EYA3: variants seen among roughly 807,000 people sequenced by gnomAD.
EYA3 encodes the protein protein phosphatase EYA3.
In EYA3, 39 loss-of-function variants were observed where a neutral mutation model predicts 80.0. The ratio of observed to expected loss-of-function variants is 0.49; its 90% CI spans 0.38 to 0.64. The LOEUF (loss-of-function observed/expected upper bound fraction) is 0.64, where lower values mean the gene tolerates loss of function less well. Ranked by LOEUF, EYA3 falls within the 30% of genes least tolerant of loss-of-function variation. The pLI is 0.00. For missense variants in EYA3, 523 were observed against 676.1 expected (o/e 0.77, Z 2.51); for synonymous variants, 206 against 232.8 (o/e 0.88, Z 1.05).
At position 28,009,973 on chromosome 1, in the gene EYA3, TA is replaced by T. The variant is rs1641576809; in HGVS notation, c.909+973del. Among the ~76,000 whole-genome samples the T allele has an allele frequency of 6.6e-6, 1 of 152,302 alleles. No homozygotes were observed. The highest frequency in any genetic ancestry group is 6.5e-5 in the Admixed American group (1 of 15,298). On this transcript the variant is annotated intron_variant, in intron 10 of 17. Coordinates refer to ENST00000373871, the MANE Select transcript of EYA3 (RefSeq NM_001990.4). This position sits in a 1 kb window ranked among gnomAD's most constrained non-coding sequence, Gnocchi z 4.8. Reference sequence around the variant, plus strand: ...AAATTTTATGTATATTTTAGACAATTAAAAAATGAGTTATCAGTTTTTCCTA... The same window carrying T: ...AAATTTTATGTATATTTTAGACAATTAAAAATGAGTTATCAGTTTTTCCTA...
At position 28,017,163 on chromosome 1, in the gene EYA3, G is replaced by A. The variant is rs1642124874; in HGVS notation, c.576C>T (p.Ile192=). ...AAAGGTAGCATCATACCTGGTTTGAGATGCTGGCTACTGCTGCTGCTGGAA... is the reference window on the plus strand; with the variant it reads ...AAAGGTAGCATCATACCTGGTTTGAAATGCTGGCTACTGCTGCTGCTGGAA... ...ANIPAAAVAS[I]SNQDYPTYTI... The change falls in exon 8 of 18, where the codon ATC becomes ATT. Residue 192 remains isoleucine (I), a synonymous_variant. Coordinates refer to ENST00000373871, the MANE Select transcript of EYA3 (RefSeq NM_001990.4). 6.2e-7 allele frequency: 1 copy of A among 1,613,350 alleles called. No homozygotes were observed. Among genetic ancestry groups the A allele is most frequent in the African/African-American group, 1.3e-5 (1 of 74,928 alleles).
chr1:27,983,031 C>T (rs1422743197), intron 16 of EYA3, among the ~76,000 whole-genome samples: 1 of 152,116 alleles, frequency 6.6e-6, no homozygotes, highest in Non-Finnish European at 1.5e-5. Context: ...CAAAAAAATC[C>T]TTGTACATGT....
At chr1:28,050,493 C>T (rs1003728773) in intron 2 of EYA3, among the ~76,000 whole-genome samples, 5 of 152,056 alleles carry the variant, frequency 3.3e-5, no homozygotes, top group Non-Finnish European at 7.4e-5. Context: ...TGAGCCACTG[C>T]GCCTGGCCAA....
chr1:28,020,381 GC>G (rs1382270628), intron 7 of EYA3, among the ~76,000 whole-genome samples: 1 of 152,050 alleles, frequency 6.6e-6, no homozygotes, highest in African/African-American at 2.4e-5. Context: ...TCTAACATGT[GC>G]CACTCATTCA....
chr1:28,083,498 C>T (rs1020650443), intron 1 of EYA3, among the ~76,000 whole-genome samples: 14 of 151,258 alleles, frequency 9.3e-5, no homozygotes, highest in South Asian at 4.2e-4. Context: ...CTAGCCTGGG[C>T]GACAGGGCAA....
intron 17 of EYA3, chr1:27,977,468 TAATTGTTCA>T: frequency 1.5e-6 from 2 of 1,371,432 alleles, no homozygotes; most frequent in Non-Finnish European, 2.0e-6. Context: ...TCAAAGAGGA[TAATTGTTCA>T]AATTCACATA....
chr1:28,081,099 A>G (rs1467408192), intron 1 of EYA3, among the ~76,000 whole-genome samples: 2 of 152,158 alleles, frequency 1.3e-5, no homozygotes, highest in Non-Finnish European at 2.9e-5. Flanking sequence ...AAGCCTCTGA[A>G]AGAGAACAAA....
chr1:28,058,097 G>A lies in EYA3; in HGVS notation c.-68-3C>T. On this transcript the variant is annotated splice_polypyrimidine_tract_variant and splice_region_variant and intron_variant, in intron 1 of 17. Transcript: ENST00000373871. ...TCTCTCTCAGCAGTTTTCACAATCT[G>A]TTTTTAAAAAGGAGGATTCAAAGCT... 1.5e-6 allele frequency: 2 copies of A among 1,311,312 alleles called. No individual in the cohort carries two copies. The highest frequency in any genetic ancestry group is 2.1e-6 in the Non-Finnish European group (2 of 948,762). 81.2% of individuals were successfully genotyped at this position (1,311,312 alleles called of 1,614,324 possible).
At chr1:27,996,074 T>A (rs2148744066) in intron 13 of EYA3, among the ~76,000 whole-genome samples, 1 of 152,322 alleles carries the variant, frequency 6.6e-6, no homozygotes, top group South Asian at 2.1e-4. Flanking sequence ...GGTTTCGCCA[T>A]GTTAGCCAGG....
In EYA3 at chr1:28,011,679, G is replaced by A. The variant is rs572254826; in HGVS notation, c.770-593C>T. On this transcript the variant is annotated intron_variant, in intron 9 of 17. Coordinates refer to ENST00000373871, the MANE Select transcript of EYA3 (RefSeq NM_001990.4). Reference sequence around the variant, plus strand: ...CAAAATTCAGACTGGGAAACAGTATGGGATCAACACTCCAGTTTCTTCAAC... The same window carrying A: ...CAAAATTCAGACTGGGAAACAGTATAGGATCAACACTCCAGTTTCTTCAAC... Among the ~76,000 whole-genome samples the A allele has an allele frequency of 3.9e-3, 592 of 152,236 alleles. 2 individuals are homozygous for A. The highest frequency in any genetic ancestry group is 6.7e-3 in the Non-Finnish European group (453 of 68,000).
intron 16 of EYA3, among the ~76,000 whole-genome samples, chr1:27,982,512 C>T (rs1639377404): frequency 6.6e-6 from 1 of 150,750 alleles, no homozygotes; most frequent in South Asian, 2.1e-4. Flanking sequence ...TTTTCAAGTA[C>T]TCCTAAAATG....
At chr1:27,980,276 C>T (rs1353391897) in intron 16 of EYA3, among the ~76,000 whole-genome samples, 3 of 152,216 alleles carry the variant, frequency 2.0e-5, no homozygotes, top group Non-Finnish European at 4.4e-5. Flanking sequence ...TTGAAGAGTT[C>T]TTTAATTCCA....
At chr1:27,999,544 G>C (rs1640683826) in intron 12 of EYA3, among the ~76,000 whole-genome samples, 1 of 152,110 alleles carries the variant, frequency 6.6e-6, no homozygotes, top group Non-Finnish European at 1.5e-5. Flanking sequence ...GACAAATCAG[G>C]AGACTATCCT....
chr1:28,028,413 C>A (rs1387323571), intron 6 of EYA3, among the ~76,000 whole-genome samples: 1 of 152,044 alleles, frequency 6.6e-6, no homozygotes, highest in African/African-American at 2.4e-5. Context: ...TATTTTGTTA[C>A]TTTTGTTTCT....
intron 4 of EYA3, 46 bp from the exon 5 acceptor site, chr1:28,038,951 G>A (rs374116701): frequency 1.4e-5 from 19 of 1,329,804 alleles, no homozygotes; most frequent in East Asian, 7.0e-5. Flanking sequence ...AGAACATTTC[G>A]AAAATGGAAT....
intron 1 of EYA3, among the ~76,000 whole-genome samples, chr1:28,082,885 T>TA (rs1433682132): frequency 2.0e-5 from 3 of 151,958 alleles, no homozygotes; most frequent in Non-Finnish European, 4.4e-5. Flanking sequence ...ATTTGATCCC[T>TA]TATTGCTTTC....
Position 28,074,813 on chromosome 1 carries a change from C to T in EYA3, c.-69+13711G>A, listed in dbSNP as rs72658360. Among the ~76,000 whole-genome samples, 1,399 of 152,178 alleles carry T rather than the reference C, an allele frequency of 9.2e-3. 10 individuals are homozygous for T. Among genetic ancestry groups the T allele is most frequent in the African/African-American group, 0.017 (700 of 41,520 alleles). ...TTTTAAATAAGGTAATGTGACAACT[C>T]GAAAAATCAGATTCTTCCCCTACCA... On this transcript the variant is annotated intron_variant, in intron 1 of 17. Coordinates refer to ENST00000373871, the MANE Select transcript of EYA3 (RefSeq NM_001990.4).
chr1:28,060,800 G>A (rs1367896366), intron 1 of EYA3, among the ~76,000 whole-genome samples: 1 of 152,142 alleles, frequency 6.6e-6, no homozygotes, highest in Non-Finnish European at 1.5e-5. Flanking sequence ...CGGATCACAA[G>A]GTCAGGAGAT....
Position 28,033,657 on chromosome 1 carries a change from A to AT in EYA3, c.361+1886dup, listed in dbSNP as rs1267286529. ...TTTTTAATGTATTATTATTATTATT[A>AT]TTATTATTATTATTTTTGAGACAGT... On this transcript the variant is annotated intron_variant, in intron 6 of 17. Coordinates refer to ENST00000373871, the MANE Select transcript of EYA3 (RefSeq NM_001990.4). 8.5e-4 allele frequency among the ~76,000 whole-genome samples: 107 copies of AT among 125,864 alleles called. No homozygotes were observed. In the South Asian group the frequency reaches 0.013, roughly 16 times the overall value. The allele number at this position is 125,864 out of a possible 152,430, so 82.6% of individuals were successfully genotyped here.
Sources: allele counts gnomAD v4.1 joint callset (sites outside exome capture counted in the v4.1 genomes callset), GRCh38; gene constraint gnomAD v4.1.1; non-coding constraint Gnocchi (gnomAD v3.1); transcripts MANE v1.5; gene names NCBI Gene and HGNC (gene_info 2026-07-23, HGNC 2026-07-21).